SVOPL: variants seen among roughly 807,000 people sequenced by gnomAD.
The protein encoded by SVOPL is putative transporter SVOPL.
SVOPL carries 60 observed loss-of-function variants against 61.0 expected under a neutral mutation model. The observed-to-expected ratio is 0.98, with a 90% confidence interval of 0.80 to 1.22. The LOEUF is 1.22. Ranked by LOEUF, SVOPL falls within the 50% of genes most tolerant of loss-of-function variation. SVOPL has a pLI of 0.00. For synonymous variants in SVOPL, 279 were observed against 250.0 expected (o/e 1.12, Z -1.09); for missense variants, 662 against 643.9 (o/e 1.03, Z -0.30).
chr7:138,677,774 T>A (rs75109467), intron 3 of SVOPL, among the ~76,000 whole-genome samples: 5 of 151,442 alleles, frequency 3.3e-5, no homozygotes, highest in African/African-American at 4.8e-5. Context: ...TTATTATTTT[T>A]TTTTTTGAGA....
chr7:138,654,856 C>T (rs1275426748), intron 7 of SVOPL, among the ~76,000 whole-genome samples: 4 of 147,882 alleles, frequency 2.7e-5, no homozygotes, highest in Non-Finnish European at 5.9e-5. Context: ...TTTTCACTTC[C>T]TGTTTCACTT....
At chr7:138,672,573 T>G (rs999892784) in intron 3 of SVOPL, among the ~76,000 whole-genome samples, 2 of 147,712 alleles carry the variant, frequency 1.4e-5, no homozygotes, top group African/African-American at 5.1e-5. Context: ...GCTGGGATAG[T>G]AAGATTCATG....
chr7:138,613,885 A>C (rs1799167000), intron 14 of SVOPL, among the ~76,000 whole-genome samples: 1 of 152,134 alleles, frequency 6.6e-6, no homozygotes, highest in African/African-American at 2.4e-5. Flanking sequence ...AATTTCAACA[A>C]TGTGACATTA....
intron 14 of SVOPL, among the ~76,000 whole-genome samples, chr7:138,606,465 T>C (rs187247756): frequency 7.2e-5 from 11 of 152,320 alleles, no homozygotes; most frequent in African/African-American, 2.6e-4. Context: ...TCTGTGCAGC[T>C]GTGGGTATGT....
At chr7:138,641,414 T>TA (rs1800776613) in intron 9 of SVOPL, among the ~76,000 whole-genome samples, 1 of 152,056 alleles carries the variant, frequency 6.6e-6, no homozygotes, top group South Asian at 2.1e-4. Context: ...CTCACGCCTG[T>TA]AATCCCAGCA....
chr7:138,638,592 AC>A (rs1452948488), intron 9 of SVOPL, among the ~76,000 whole-genome samples: 2 of 152,026 alleles, frequency 1.3e-5, no homozygotes, highest in African/African-American at 4.8e-5. Context: ...AGACCCCATC[AC>A]AAAAAACAGC....
chr7:138,604,830 C>T (rs538045900), intron 14 of SVOPL, among the ~76,000 whole-genome samples: 122 of 151,072 alleles, frequency 8.1e-4, no homozygotes, highest in Non-Finnish European at 1.2e-3. Context: ...AAAATAGAAA[C>T]AAATGGGGTT....
intron 3 of SVOPL, 95 bp from the exon 4 acceptor site, chr7:138,672,212 C>A (rs1802439402): frequency 1.8e-6 from 2 of 1,132,568 alleles, no homozygotes; most frequent in Admixed American, 2.0e-5. Flanking sequence ...AGTCCTGTCC[C>A]CTTTGTCCTT....
At chr7:138,639,261 T>C (rs1330070672) in intron 9 of SVOPL, among the ~76,000 whole-genome samples, 1 of 151,064 alleles carries the variant, frequency 6.6e-6, no homozygotes, top group Non-Finnish European at 1.5e-5. Context: ...TCTCAAAAAA[T>C]ATATAAATAA....
At chr7:138,663,017 G>T in intron 5 of SVOPL, 57 bp downstream of exon 5, 1 of 1,611,422 alleles carries the variant, frequency 6.2e-7, no homozygotes, top group Non-Finnish European at 8.5e-7. Context: ...TGATAAGGTT[G>T]CCCCCAAAAG....
chr7:138,600,899 T>C (rs141860384), intron 14 of SVOPL, among the ~76,000 whole-genome samples: 4 of 152,182 alleles, frequency 2.6e-5, no homozygotes, highest in Admixed American at 1.3e-4. Flanking sequence ...TGGATATTCC[T>C]AAGGAAGTTA....
intron 1 of SVOPL, among the ~76,000 whole-genome samples, chr7:138,684,115 A>T (rs1419539670): frequency 6.6e-6 from 1 of 151,788 alleles, no homozygotes; most frequent in African/African-American, 2.4e-5. Flanking sequence ...CTATAATCCC[A>T]GCACTTTGGG....
chr7:138,636,051 T>C (rs1032498644), intron 9 of SVOPL, among the ~76,000 whole-genome samples: 94 of 152,190 alleles, frequency 6.2e-4, no homozygotes, highest in African/African-American at 2.2e-3. Flanking sequence ...CCCAAGCAGC[T>C]GGGAGTAGCT....
At chr7:138,648,688 ACGCTGCACTCCAGCGC>A (rs1471882590) in intron 8 of SVOPL, among the ~76,000 whole-genome samples, 2 of 150,972 alleles carry the variant, frequency 1.3e-5, no homozygotes, top group East Asian at 3.9e-4. Context: ...AGCCTGGGGG[ACGCTGCACTCCAGCGC>A]CACTGCACTC....
At chr7:138,669,060 T>C (rs1802349726) in intron 4 of SVOPL, among the ~76,000 whole-genome samples, 1 of 152,164 alleles carries the variant, frequency 6.6e-6, no homozygotes, top group African/African-American at 2.4e-5. Context: ...TGCATCAGAA[T>C]CAAGGTCCCT....
rs987781266 is a variant in SVOPL at position 138,626,013 on chromosome 7, G to C, written c.1219C>G (p.Leu407Val). Reference sequence around the variant, plus strand: ...ACGGTGTTGAAGTTTGCAGCTACCAGAGCCCTCAGCATGAAGAGGAAGCCA... The same window carrying C: ...ACGGTGTTGAAGTTTGCAGCTACCACAGCCCTCAGCATGAAGAGGAAGCCA... ...LIGFLFMLRA[L>V]VAANFNTVYI... Residue 407 changes from leucine (L) to valine (V), a missense_variant, in exon 13 of 16, where the codon CTG (leucine) becomes GTG (valine). Leu to Val is a conservative substitution (Grantham distance 32). Transcript: ENST00000674285. 4.3e-6 allele frequency: 7 copies of C among 1,614,006 alleles called. No individual in the cohort carries two copies. Among genetic ancestry groups the C allele is most frequent in the Non-Finnish European group, 5.9e-6 (7 of 1,180,050 alleles).
At chr7:138,629,134 T>TGTGTGTGC (rs1295776310) in intron 10 of SVOPL, among the ~76,000 whole-genome samples, 8 of 80,144 alleles carry the variant, frequency 1.0e-4, no homozygotes, top group African/African-American at 3.0e-4. Context: ...TATATGTGTG[T>TGTGTGTGC]GTGTGTGTGT....
intron 9 of SVOPL, among the ~76,000 whole-genome samples, chr7:138,638,074 G>A (rs950987868): frequency 1.3e-5 from 2 of 152,096 alleles, no homozygotes; most frequent in African/African-American, 2.4e-5. Context: ...AGGAGTTTGA[G>A]AACAGCCTGG....
intron 8 of SVOPL, chr7:138,646,448 T>C (rs1430951712): frequency 5.7e-6 from 1 of 176,672 alleles, no homozygotes; most frequent in Non-Finnish European, 1.2e-5. Flanking sequence ...GTGTAGGTCA[T>C]TTTGGTGACT....
Sources: gnomAD v4.1 joint callset for allele counts (sites outside exome capture counted in the v4.1 genomes callset) on GRCh38, gnomAD v4.1.1 for gene constraint, MANE v1.5 for transcripts, NCBI Gene and HGNC (gene_info 2026-07-23, HGNC 2026-07-21) for gene names.